Variants in CCDC22 observed in about 807,000 individuals in gnomAD.
CCDC22 encodes coiled-coil domain-containing protein 22.
In CCDC22, 4 loss-of-function variants were observed where a neutral mutation model predicts 53.1. That is an observed-to-expected ratio of 0.08 (90% CI 0.04 to 0.17). CCDC22 has a LOEUF of 0.17. Ranked by LOEUF, CCDC22 falls within the 10% of genes least tolerant of loss-of-function variation. The pLI is 1.00. For synonymous variants in CCDC22, 222 were observed against 224.4 expected, an observed-to-expected ratio of 0.99 and a Z score of 0.10; for missense variants, 458 against 554.0, an observed-to-expected ratio of 0.83 and a Z score of 1.74.
rs57388689 is a variant in CCDC22 at position 49,236,203 on chromosome X, C to CT, written c.50+531dup. On this transcript the variant is annotated intron_variant, in intron 1 of 16. Coordinates refer to ENST00000376227, the MANE Select transcript of CCDC22 (RefSeq NM_014008.5). ...CTGGGGCTTAAAAAAACCCAGGATT[C>CT]TTTTTTTTTTTTTTCCTTTTCCGAG... 3.6e-3 allele frequency among the ~76,000 whole-genome samples: 349 copies of CT among 96,739 alleles called. 3 individuals carry two copies. The highest frequency in any genetic ancestry group is 6.1e-3 in the Admixed American group (54 of 8,823). 84.0% of individuals were successfully genotyped at this position (96,739 alleles called of 115,157 possible). A position where few individuals can be genotyped will look rare whatever the true frequency, so the allele number is the denominator to read the frequency against.
chrX:49,247,029 C>T (rs1470618960), intron 7 of CCDC22, 104 bp downstream of exon 7: 3 of 725,263 alleles, frequency 4.1e-6, no homozygotes, highest in Non-Finnish European at 6.2e-6. Context: ...TTCCTGTGTT[C>T]CCACTGGACA....
chrX:49,244,225 A>G (rs5953280), intron 6 of CCDC22, among the ~76,000 whole-genome samples: 57,993 of 109,588 alleles, frequency 0.53, 13,192 homozygotes, highest in Non-Finnish European at 0.72. Context: ...CTGTCTCCTC[A>G]TTTCTGTACT....
At position 49,247,521 on chromosome X, in the gene CCDC22, T is replaced by A; in HGVS notation, c.935T>A (p.Val312Glu). 1 of 1,198,449 alleles carries A rather than the reference T, an allele frequency of 8.3e-7. No homozygotes were observed. The highest frequency in any genetic ancestry group is 1.1e-6 in the Non-Finnish European group (1 of 889,351). The change falls in exon 8 of 17, where the codon GTG becomes GAG. Residue 312 changes from valine to glutamate, a missense_variant. By Grantham distance (121) the Val-to-Glu change is moderately radical (BLOSUM62 -2). Coordinates refer to ENST00000376227, the MANE Select transcript of CCDC22 (RefSeq NM_014008.5). ...GAGCCCCAGGCCCAGGCCACTCAGG[T>A]GTCAGATGTGCCAGCCACCTCCCGG... ...HLEPQAQATQ[V>E]SDVPATSRRP...
intron 13 of CCDC22, 24 bp downstream of exon 13, chrX:49,248,948 G>A (rs2066007492): frequency 8.3e-7 from 1 of 1,198,597 alleles, no homozygotes; most frequent in African/African-American, 1.7e-5. Context: ...GCCATGGAGG[G>A]TGGGTCATGT....
chrX:49,238,075 C>CTTT lies in CCDC22; in HGVS notation c.228+826_228+828dup, dbSNP rs58787414. ...GCCCAGCCTTTTCTTTTCTTTTTTT[C>CTTT]TTTTTTTTTTTTTTTTGATGTGAAG... is the stretch of plus-strand genomic sequence containing the variant. On this transcript the variant is annotated intron_variant, in intron 2 of 16. Transcript: ENST00000376227. Among the ~76,000 whole-genome samples, 3 of 84,377 alleles carry CTTT rather than the reference C, an allele frequency of 3.6e-5. 1 individual carries two copies. Among genetic ancestry groups the CTTT allele is most frequent in the African/African-American group, 1.4e-4 (3 of 21,870 alleles). 73.3% of individuals were successfully genotyped at this position (84,377 alleles called of 115,157 possible).
intron 14 of CCDC22, 100 bp downstream of exon 14, chrX:49,249,362 G>A (rs1004045637): frequency 6.7e-5 from 58 of 865,691 alleles, no homozygotes; most frequent in African/African-American, 4.8e-4. Flanking sequence ...GGCCCTGTGC[G>A]AGGCTGGAGG....
chrX:49,247,374 C>T (rs1245604282), intron 7 of CCDC22, 122 bp from the exon 8 acceptor site: 1 of 620,542 alleles, frequency 1.6e-6, no homozygotes, highest in African/African-American at 2.2e-5. Context: ...AGTCTGGCCA[C>T]CATCGGTGCT....
At chrX:49,245,883 C>G (rs1487805702) in intron 6 of CCDC22, among the ~76,000 whole-genome samples, 1 of 112,284 alleles carries the variant, frequency 8.9e-6, no homozygotes, top group African/African-American at 3.2e-5. Context: ...TAAGGACATT[C>G]AGTTTTCAAG....
chrX:49,244,619 G>A (rs1480237153), intron 6 of CCDC22, among the ~76,000 whole-genome samples: 2 of 110,384 alleles, frequency 1.8e-5, no homozygotes, highest in Non-Finnish European at 3.8e-5. Context: ...GGACTACAAT[G>A]GCATGATCAG....
intron 6 of CCDC22, among the ~76,000 whole-genome samples, chrX:49,244,831 A>G (rs2065981396): frequency 9.0e-6 from 1 of 111,631 alleles, no homozygotes; most frequent in Non-Finnish European, 1.9e-5. Context: ...CTGGGATTAC[A>G]GGCATGAGCC....
Position 49,246,691 on chromosome X carries a change from GC to G in CCDC22, c.715-36del, listed in dbSNP as rs782342657. 5.2e-4 allele frequency: 560 copies of G among 1,073,552 alleles called. 2 individuals carry two copies. In the African/African-American group the frequency reaches 0.01, roughly 19 times the overall value. 88.5% of individuals were successfully genotyped at this position (1,073,552 alleles called of 1,213,427 possible). On this transcript the variant is annotated intron_variant, in intron 6 of 16. Transcript: ENST00000376227. Reference sequence around the variant, plus strand: ...AGGCAGGGCCTTGGGTGCTAGGTGGGCCCCTACACCTTCCTGCTTCCCCCGC... The same window carrying G: ...AGGCAGGGCCTTGGGTGCTAGGTGGGCCCTACACCTTCCTGCTTCCCCCGC...
chrX:49,242,331 G>A (rs1966483383), intron 3 of CCDC22, 183 bp downstream of exon 3: 1 of 749,468 alleles, frequency 1.3e-6, no homozygotes, highest in Non-Finnish European at 1.6e-6. Context: ...AGGGGGCAGG[G>A]GGCTGAGGTT....
intron 15 of CCDC22, 26 bp downstream of exon 15, chrX:49,249,594 G>A (rs2066013280): frequency 2.6e-6 from 3 of 1,172,179 alleles, no homozygotes; most frequent in African/African-American, 1.8e-5. Flanking sequence ...TGCCTGGGGT[G>A]GGGCTGCTGG....
chrX:49,248,891 C>T lies in CCDC22; in HGVS notation c.1506C>T (p.Gly502=). The T allele has an allele frequency of 8.3e-7, 1 of 1,210,442 alleles. No homozygotes were observed. Among genetic ancestry groups the T allele is most frequent in the Non-Finnish European group, 1.1e-6 (1 of 895,120 alleles). The part of the protein sequence containing the change: ...AYTQRILEIV[G]NIRKQKEEIT... ...CCCAGCGCATCCTGGAGATCGTGGGCAACATCCGGAAGCAGAAGGAAGAGA... is the reference window on the plus strand; with the variant it reads ...CCCAGCGCATCCTGGAGATCGTGGGTAACATCCGGAAGCAGAAGGAAGAGA... Residue 502 remains glycine, a synonymous_variant, in exon 13 of 17, where the codon GGC becomes GGT. Coordinates refer to ENST00000376227, the MANE Select transcript of CCDC22 (RefSeq NM_014008.5).
chrX:49,244,454 CTG>C (rs2065979329), intron 6 of CCDC22, among the ~76,000 whole-genome samples: 1 of 111,209 alleles, frequency 9.0e-6, no homozygotes, highest in African/African-American at 3.3e-5. Context: ...CTGTCCACCT[CTG>C]TATCTGTTGC....
At chrX:49,240,644 G>T (rs1253743302) in intron 2 of CCDC22, among the ~76,000 whole-genome samples, 1 of 111,898 alleles carries the variant, frequency 8.9e-6, no homozygotes, top group East Asian at 2.8e-4. Context: ...TCTTAATCCA[G>T]CTGTGTGCTG....
intron 1 of CCDC22, among the ~76,000 whole-genome samples, chrX:49,236,678 AC>A (rs1477754744): frequency 1.8e-5 from 2 of 110,927 alleles, no homozygotes; most frequent in Non-Finnish European, 3.8e-5. Context: ...ATACCCAGGG[AC>A]CCTGACATTT....
intron 6 of CCDC22, 90 bp downstream of exon 6, chrX:49,243,552 TC>T: frequency 1.3e-6 from 1 of 757,961 alleles, no homozygotes; most frequent in Non-Finnish European, 1.9e-6. Flanking sequence ...ACTTTGTCCC[TC>T]CCTTCCATTG....
rs782720969 is a variant in CCDC22, at chrX:49,247,678, C to T, written c.1002C>T (p.Leu334=). 1.8e-5 allele frequency: 22 copies of T among 1,198,738 alleles called. No individual in the cohort carries two copies. Among genetic ancestry groups the T allele is most frequent in the Admixed American group, 1.8e-4 (8 of 44,067 alleles). ...QVTWAAQEQE[L]ESLREQLEGV... ...CGTGGGCAGCTCAGGAACAGGAGCT[C>T]GAGTCCCTTCGGGAGCAGCTGGAAG... The change falls in exon 9 of 17, where the codon CTC becomes CTT. Residue 334 remains leucine (L), a synonymous_variant. Coordinates refer to ENST00000376227, the MANE Select transcript of CCDC22 (RefSeq NM_014008.5).
Sources: gnomAD v4.1 joint callset for allele counts (sites outside exome capture counted in the v4.1 genomes callset) on GRCh38, gnomAD v4.1.1 for gene constraint, MANE v1.5 for transcripts, NCBI Gene and HGNC (gene_info 2026-07-23, HGNC 2026-07-21) for gene names.